The following ARIH1 variants were observed in gnomAD, a reference collection of about 807,000 sequenced individuals.
The protein encoded by ARIH1 is E3 ubiquitin-protein ligase ARIH1.
ARIH1 carries 8 observed loss-of-function variants against 85.0 expected under a neutral mutation model. That is an observed-to-expected ratio of 0.09 (90% CI 0.06 to 0.17). ARIH1 has a LOEUF of 0.17. ARIH1 is among the 10% of genes least tolerant of loss of function. The probability of loss-of-function intolerance (pLI) is 1.00; values close to 1 mark genes in which losing one functional copy is unlikely to be tolerated. For synonymous variants in ARIH1, 238 were observed against 253.6 expected (o/e 0.94, Z 0.59); for missense variants, 311 against 718.1 (o/e 0.43, Z 6.48).
chr15:72,484,146 C>T (rs1294832476), intron 1 of ARIH1, among the ~76,000 whole-genome samples: 2 of 143,892 alleles, frequency 1.4e-5, no homozygotes, highest in African/African-American at 5.1e-5. Context: ...GCACTCCAGC[C>T]TGGGCAACAA....
At chr15:72,547,149 G>A (rs1453947892) in intron 3 of ARIH1, among the ~76,000 whole-genome samples, 4 of 151,728 alleles carry the variant, frequency 2.6e-5, no homozygotes, top group Non-Finnish European at 2.9e-5. Flanking sequence ...GGATGGTCTC[G>A]ATCTCCTGAC....
chr15:72,540,871 A>G (rs996268952), intron 2 of ARIH1, among the ~76,000 whole-genome samples: 3 of 152,158 alleles, frequency 2.0e-5, no homozygotes, highest in Non-Finnish European at 2.9e-5. Context: ...AATATACGCT[A>G]TTTTTAAAAA....
At chr15:72,576,461 G>A (rs529592793) in intron 11 of ARIH1, among the ~76,000 whole-genome samples, 15 of 126,642 alleles carry the variant, frequency 1.2e-4, no homozygotes, top group Non-Finnish European at 2.4e-4. Flanking sequence ...AGCCGAGATT[G>A]TGCCACTGCA....
intron 9 of ARIH1, among the ~76,000 whole-genome samples, chr15:72,567,590 CTT>C (rs1373001270): frequency 1.3e-5 from 2 of 152,180 alleles, no homozygotes; most frequent in African/African-American, 4.8e-5. Flanking sequence ...GTACATTGCT[CTT>C]GATACTAGTT....
At chr15:72,574,011 A>G (rs146491871) in intron 11 of ARIH1, among the ~76,000 whole-genome samples, 1 of 152,312 alleles carries the variant, frequency 6.6e-6, no homozygotes, top group African/African-American at 2.4e-5. Flanking sequence ...CCCAGAATGT[A>G]TTATGGATAT....
chr15:72,486,480 G>A (rs1354006421), intron 1 of ARIH1, among the ~76,000 whole-genome samples: 1 of 152,020 alleles, frequency 6.6e-6, no homozygotes, highest in African/African-American at 2.4e-5. Context: ...TCCACTGAGG[G>A]TCTTGGGACA....
In ARIH1 at chr15:72,599,055, CAG is replaced by C. The variant is rs2064373230; in HGVS notation, c.*15766_*15767del. ...GCTAGTATTTTTTTCTTTTTTGAGA[CAG>C]AGTCTGGCTCTGTTGCCCAGGCTGG... is the stretch of plus-strand genomic sequence containing the variant. On this transcript the variant is annotated 3_prime_UTR_variant, in exon 14 of 14. Coordinates refer to ENST00000379887, the MANE Select transcript of ARIH1 (RefSeq NM_005744.5). 1 of 152,006 alleles carries C rather than the reference CAG, an allele frequency of 6.6e-6. No individual in the cohort carries two copies. The highest frequency in any genetic ancestry group is 1.5e-5 in the Non-Finnish European group (1 of 68,056). 9.4% of individuals were successfully genotyped at this position (152,006 alleles called of 1,614,324 possible).
At chr15:72,528,533 C>G (rs796519362) in intron 2 of ARIH1, among the ~76,000 whole-genome samples, 3 of 152,244 alleles carry the variant, frequency 2.0e-5, no homozygotes, top group African/African-American at 7.2e-5. Flanking sequence ...TATCACTATT[C>G]TACAATACAG....
rs2064172921 is a variant in ARIH1 at position 72,556,008 on chromosome 15, C to T, written c.737+101C>T. ...CAAAGGAAGTGAAACTTTTTAAAGT[C>T]TGAAGAAACTTTTTAATCTGCGTTC... On this transcript the variant is annotated intron_variant, in intron 5 of 13. Transcript: ENST00000379887. The T allele has an allele frequency of 3.9e-6, 4 of 1,036,466 alleles. No individual in the cohort carries two copies. In the Admixed American group the frequency reaches 7.2e-5, roughly 19 times the overall value. 64.2% of individuals were successfully genotyped at this position (1,036,466 alleles called of 1,614,324 possible). A position where few individuals can be genotyped will look rare whatever the true frequency, so the allele number is the denominator to read the frequency against.
intron 3 of ARIH1, among the ~76,000 whole-genome samples, chr15:72,548,396 A>G (rs2064138622): frequency 6.6e-6 from 1 of 152,198 alleles, no homozygotes; most frequent in Non-Finnish European, 1.5e-5. Context: ...AAATGAAATG[A>G]AGGAGTGAGG....
At chr15:72,579,345 A>C (rs1256602039) in intron 11 of ARIH1, among the ~76,000 whole-genome samples, 1 of 151,938 alleles carries the variant, frequency 6.6e-6, no homozygotes, top group East Asian at 1.9e-4. Flanking sequence ...TTAATTCAAG[A>C]AACTTGATCA....
Position 72,582,440 on chromosome 15 carries a change from C to G in ARIH1, c.1589+253C>G, listed in dbSNP as rs1595875942. Among the ~76,000 whole-genome samples the G allele has an allele frequency of 6.6e-6, 1 of 152,002 alleles. No individual in the cohort carries two copies. The highest frequency in any genetic ancestry group is 1.5e-5 in the Non-Finnish European group (1 of 67,994). Reference sequence around the variant, plus strand: ...GTTCAGTTATTTAGTTGCTACCTTGCAAGGAAGAAAGAATCCAAAAAGGCC... The same window carrying G: ...GTTCAGTTATTTAGTTGCTACCTTGGAAGGAAGAAAGAATCCAAAAAGGCC... On this transcript the variant is annotated intron_variant, in intron 13 of 13. Transcript: ENST00000379887. The surrounding 1 kb of genome is among the most constrained non-coding windows in gnomAD (Gnocchi z 4.6).
At chr15:72,576,413 G>C (rs2140438338) in intron 11 of ARIH1, among the ~76,000 whole-genome samples, 1 of 148,446 alleles carries the variant, frequency 6.7e-6, no homozygotes, top group East Asian at 2.0e-4. Context: ...GGCTGAGGCA[G>C]GAGAATGGCA....
At chr15:72,512,281 C>G (rs1403425601) in intron 1 of ARIH1, among the ~76,000 whole-genome samples, 1 of 151,296 alleles carries the variant, frequency 6.6e-6, no homozygotes, top group Non-Finnish European at 1.5e-5. Flanking sequence ...CATGAGTTTT[C>G]TTTGTGCAAG....
At chr15:72,488,385 C>T (rs2063845776) in intron 1 of ARIH1, among the ~76,000 whole-genome samples, 1 of 152,032 alleles carries the variant, frequency 6.6e-6, no homozygotes, top group Non-Finnish European at 1.5e-5. Flanking sequence ...CTCTCTTTCT[C>T]TTCTTAACTG....
rs537971084 is a variant in ARIH1, at chr15:72,578,969, G to A, written c.1216-1762G>A. ...CCAGCTAATTTTTTGTATTTTAGTA[G>A]ATACAGGGTTTCACTGTGTTGCCCA... On this transcript the variant is annotated intron_variant, in intron 11 of 13. Transcript: ENST00000379887. Among the ~76,000 whole-genome samples the A allele has an allele frequency of 5.3e-5, 8 of 151,828 alleles. No homozygotes were observed. In the South Asian group the frequency reaches 1.0e-3, roughly 20 times the overall value.
intron 11 of ARIH1, among the ~76,000 whole-genome samples, chr15:72,573,651 GA>G (rs1201080356): frequency 2.0e-5 from 3 of 151,662 alleles, no homozygotes; most frequent in East Asian, 1.9e-4. Flanking sequence ...CATTTAAGGG[GA>G]AAAAATCCCT....
chr15:72,555,993 G>C, intron 5 of ARIH1, 86 bp downstream of exon 5: 1 of 1,212,770 alleles, frequency 8.2e-7, no homozygotes, highest in Non-Finnish European at 1.2e-6. Context: ...CAAAGGAAGT[G>C]AAACTTTTTA....
chr15:72,483,685 T>A (rs911894177), intron 1 of ARIH1, among the ~76,000 whole-genome samples: 2 of 152,226 alleles, frequency 1.3e-5, no homozygotes, highest in African/African-American at 4.8e-5. Context: ...CTTTTGGCTT[T>A]GCAAAACATT....
Sources: allele counts gnomAD v4.1 joint callset (sites outside exome capture counted in the v4.1 genomes callset), GRCh38; gene constraint gnomAD v4.1.1; non-coding constraint Gnocchi (gnomAD v3.1); transcripts MANE v1.5; gene names NCBI Gene and HGNC (gene_info 2026-07-23, HGNC 2026-07-21).